The following CADM1 variants were observed in gnomAD, a reference collection of about 807,000 sequenced individuals.
The protein encoded by CADM1 is TSLC-1.
Under a neutral mutation model 53.1 loss-of-function variants are expected in CADM1, and 15 were observed. That is an observed-to-expected ratio of 0.28 (90% CI 0.19 to 0.44). The LOEUF is 0.44. CADM1 is among the 20% of genes least tolerant of loss of function. CADM1 has a pLI of 1.00. For synonymous variants in CADM1, 281 were observed against 243.0 expected, an observed-to-expected ratio of 1.16 and a Z score of -1.45; for missense variants, 434 against 611.3, an observed-to-expected ratio of 0.71 and a Z score of 3.06.
At chr11:115,306,072 C>CCACACACACACA (rs6144515) in intron 1 of CADM1, among the ~76,000 whole-genome samples, 16,291 of 130,288 alleles carry the variant, frequency 0.13, 1,324 homozygotes, top group Non-Finnish European at 0.17. Flanking sequence ...AGGATATATA[C>CCACACACACACA]CACACACACA....
At chr11:115,300,342 T>A (rs999371013) in intron 1 of CADM1, among the ~76,000 whole-genome samples, 2 of 152,246 alleles carry the variant, frequency 1.3e-5, no homozygotes, top group Non-Finnish European at 2.9e-5. Flanking sequence ...AGGCTTTAAA[T>A]ACATCCTCAC....
intron 1 of CADM1, among the ~76,000 whole-genome samples, chr11:115,287,133 C>T (rs1462063162): frequency 2.6e-5 from 4 of 152,214 alleles, no homozygotes; most frequent in Non-Finnish European, 5.9e-5. Flanking sequence ...GAACACATTG[C>T]ATTCTCTCAA....
chr11:115,384,107 A>C (rs955984345), intron 1 of CADM1, among the ~76,000 whole-genome samples: 3 of 152,208 alleles, frequency 2.0e-5, no homozygotes, highest in Non-Finnish European at 4.4e-5. Context: ...TATGGACAGA[A>C]TTGACTAAGC....
chr11:115,174,645 C>T lies in CADM1; in HGVS notation c.*1829G>A. On this transcript the variant is annotated 3_prime_UTR_variant, in exon 12 of 12. Transcript: ENST00000331581. ...TAACAAAGAGTTGACACTTTTTCCCCCTTAAATAAATCAGCATAAGTTTTC... is the reference window on the plus strand; with the variant it reads ...TAACAAAGAGTTGACACTTTTTCCCTCTTAAATAAATCAGCATAAGTTTTC... 1 of 984,424 alleles carries T rather than the reference C, an allele frequency of 1.0e-6. No individual in the cohort carries two copies. Among genetic ancestry groups the T allele is most frequent in the South Asian group, 4.7e-5 (1 of 21,248 alleles). 61.0% of individuals were successfully genotyped at this position (984,424 alleles called of 1,614,324 possible). A position where few individuals can be genotyped will look rare whatever the true frequency, so the allele number is the denominator to read the frequency against.
At chr11:115,208,283 G>T (rs1408705221) in intron 8 of CADM1, among the ~76,000 whole-genome samples, 1 of 152,108 alleles carries the variant, frequency 6.6e-6, no homozygotes, top group African/African-American at 2.4e-5. Flanking sequence ...CTTCCTTAAG[G>T]GTTCTTTTTT....
In CADM1 at chr11:115,492,492, G is replaced by A. The variant is rs1041227212; in HGVS notation, c.124+11779C>T. Among the ~76,000 whole-genome samples the A allele has an allele frequency of 1.8e-4, 28 of 152,114 alleles. 1 individual carries two copies. The highest frequency in any genetic ancestry group is 2.4e-5 in the African/African-American group (1 of 41,408). On this transcript the variant is annotated intron_variant, in intron 1 of 11. Coordinates refer to ENST00000331581, the MANE Select transcript of CADM1 (RefSeq NM_001301043.2). ...TAAACAGAAATAAATGATCCTAACT[G>A]TATACCTATTGATACATAACACACA...
At chr11:115,368,673 T>C (rs552537012) in intron 1 of CADM1, among the ~76,000 whole-genome samples, 2 of 152,218 alleles carry the variant, frequency 1.3e-5, no homozygotes, top group African/African-American at 4.8e-5. Context: ...TGTTTTCCTA[T>C]CCATCTTTGG....
intron 1 of CADM1, among the ~76,000 whole-genome samples, chr11:115,272,778 T>C (rs1259638704): frequency 2.0e-5 from 3 of 147,002 alleles, no homozygotes; most frequent in African/African-American, 2.5e-5. Context: ...AGGGATAGCA[T>C]TGGGAGATAC....
intron 1 of CADM1, among the ~76,000 whole-genome samples, chr11:115,246,909 T>C (rs1274324921): frequency 6.6e-6 from 1 of 152,230 alleles, no homozygotes; most frequent in East Asian, 1.9e-4. Context: ...AGGCAAATTT[T>C]TGAATGGCAA....
At chr11:115,267,715 C>T (rs768189549) in intron 1 of CADM1, among the ~76,000 whole-genome samples, 16 of 128,496 alleles carry the variant, frequency 1.2e-4, no homozygotes, top group South Asian at 7.6e-4. Flanking sequence ...TTGCTTTCTT[C>T]GGCAAAAGTC....
Position 115,273,361 on chromosome 11 carries a change from C to A in CADM1, c.125-32941G>T, listed in dbSNP as rs770094375. 2.0e-5 allele frequency among the ~76,000 whole-genome samples: 3 copies of A among 152,042 alleles called. No individual in the cohort carries two copies. In the East Asian group the frequency reaches 5.8e-4, roughly 29 times the overall value. ...AATTCAGAAACATCTCTTAAATGTT[C>A]CTCATTAACTGAACACATTATTCGA... On this transcript the variant is annotated intron_variant, in intron 1 of 11. Coordinates refer to ENST00000331581, the MANE Select transcript of CADM1 (RefSeq NM_001301043.2).
chr11:115,215,653 A>G (rs923301794), intron 6 of CADM1, among the ~76,000 whole-genome samples: 1 of 152,202 alleles, frequency 6.6e-6, no homozygotes, highest in African/African-American at 2.4e-5. Flanking sequence ...GGAAAAAGCA[A>G]ATTTCATAAG....
At chr11:115,337,655 A>C (rs1945302716) in intron 1 of CADM1, among the ~76,000 whole-genome samples, 1 of 152,072 alleles carries the variant, frequency 6.6e-6, no homozygotes, top group South Asian at 2.1e-4. Flanking sequence ...AGTTATACAT[A>C]TATTTTTTTC....
intron 1 of CADM1, among the ~76,000 whole-genome samples, chr11:115,348,635 C>T (rs1348537675): frequency 2.6e-5 from 4 of 152,000 alleles, no homozygotes; most frequent in Non-Finnish European, 4.4e-5. Flanking sequence ...GAGTATCAAA[C>T]GCAGCTCTTG....
At chr11:115,184,615 C>T (rs755740427) in intron 10 of CADM1, among the ~76,000 whole-genome samples, 65 of 152,246 alleles carry the variant, frequency 4.3e-4, no homozygotes, top group South Asian at 6.2e-4. Flanking sequence ...AAGGAATAAA[C>T]GTAAAGCAAG....
chr11:115,289,818 A>G (rs1591675672), intron 1 of CADM1, among the ~76,000 whole-genome samples: 1 of 151,744 alleles, frequency 6.6e-6, no homozygotes, highest in African/African-American at 2.4e-5. Flanking sequence ...GATGGTCTTG[A>G]TCTCCTGACC....
At chr11:115,352,222 A>G (rs80049021) in intron 1 of CADM1, among the ~76,000 whole-genome samples, 2,426 of 152,322 alleles carry the variant, frequency 0.016, 55 homozygotes, top group African/African-American at 0.049. Flanking sequence ...ACAGTTTCAT[A>G]ACAAAATTGT....
At chr11:115,458,437 A>G (rs543359550) in intron 1 of CADM1, among the ~76,000 whole-genome samples, 1 of 151,220 alleles carries the variant, frequency 6.6e-6, no homozygotes, top group East Asian at 1.9e-4. Context: ...ATAAATGTAA[A>G]ATGTTTACTT....
At chr11:115,389,250 G>A (rs1242715134) in intron 1 of CADM1, among the ~76,000 whole-genome samples, 1 of 152,106 alleles carries the variant, frequency 6.6e-6, no homozygotes. Flanking sequence ...TACTATTTTT[G>A]CAACTTTTCA....
Sources: gnomAD v4.1 joint callset for allele counts (sites outside exome capture counted in the v4.1 genomes callset) on GRCh38, gnomAD v4.1.1 for gene constraint, MANE v1.5 for transcripts, NCBI Gene and HGNC (gene_info 2026-07-23, HGNC 2026-07-21) for gene names.